Variants in TGIF1 observed in about 807,000 individuals in gnomAD.
TGIF1 encodes TGFB induced factor homeobox 1, also known as homeobox protein TGIF1.
TGIF1 carries 4 observed loss-of-function variants against 19.3 expected under a neutral mutation model. The observed-to-expected ratio is 0.21, with a 90% confidence interval of 0.10 to 0.47. TGIF1 has a LOEUF of 0.47. TGIF1 is among the 20% of genes least tolerant of loss of function. The pLI, the probability that TGIF1 is intolerant of heterozygous loss-of-function variation, is 0.98. For missense variants in TGIF1, 275 were observed against 341.4 expected, an observed-to-expected ratio of 0.81 and a Z score of 1.53; for synonymous variants, 122 against 129.3, an observed-to-expected ratio of 0.94 and a Z score of 0.38.
upstream of TGIF1, among the ~76,000 whole-genome samples, chr18:3,449,056 GA>G (rs1187499367): frequency 1.3e-5 from 2 of 152,114 alleles, no homozygotes; most frequent in Non-Finnish European, 2.9e-5. Flanking sequence ...GCGAAAACTA[GA>G]ACCAGAGGAG....
At chr18:3,452,023 C>T (rs1480502013) in intron 1 of TGIF1, 1 of 1,610,506 alleles carries the variant, frequency 6.2e-7, no homozygotes, top group East Asian at 2.2e-5. Context: ...GTGGGCTCCC[C>T]GCATTGTTCG....
At chr18:3,445,365 G>A (rs1013748833), upstream of TGIF1, among the ~76,000 whole-genome samples, 6 of 152,016 alleles carry the variant, frequency 3.9e-5, no homozygotes, top group African/African-American at 1.4e-4. Context: ...CAGTTACCAG[G>A]TCGGCCATGT....
intron 2 of TGIF1, among the ~76,000 whole-genome samples, chr18:3,438,866 G>C (rs1206354605): frequency 6.6e-6 from 1 of 152,086 alleles, no homozygotes; most frequent in Non-Finnish European, 1.5e-5. Context: ...AAATAAGCTA[G>C]TAGAACTAAA....
chr18:3,451,636 T>TA lies in TGIF1; in HGVS notation c.16+1132dup, dbSNP rs1568047709. On this transcript the variant is annotated intron_variant, in intron 1 of 2. Coordinates refer to ENST00000343820, the MANE Select transcript of TGIF1 (RefSeq NM_003244.4). The surrounding 1 kb of genome is among the most constrained non-coding windows in gnomAD (Gnocchi z 5.4). ...CCCGCTGCGGGGCGTTCCTGGGGGG[T>TA]AGCCTCAAGGCCAGCGGGGTTCCTT... is the stretch of plus-strand genomic sequence containing the variant. The TA allele has an allele frequency of 9.0e-7, 1 of 1,111,504 alleles. No homozygotes were observed. The highest frequency in any genetic ancestry group is 1.1e-6 in the Non-Finnish European group (1 of 912,076). The allele number at this position is 1,111,504 out of a possible 1,614,324, so 68.9% of individuals were successfully genotyped here. A position where few individuals can be genotyped will look rare whatever the true frequency, so the allele number is the denominator to read the frequency against.
chr18:3,448,966 C>CT (rs1259718631), upstream of TGIF1, among the ~76,000 whole-genome samples: 2 of 152,084 alleles, frequency 1.3e-5, no homozygotes, highest in South Asian at 2.1e-4. Flanking sequence ...CTTTTCTTTC[C>CT]TTTTTTTAAA....
upstream of TGIF1, among the ~76,000 whole-genome samples, chr18:3,449,074 T>C (rs962357815): frequency 1.3e-5 from 2 of 152,120 alleles, no homozygotes; most frequent in Non-Finnish European, 2.9e-5. Context: ...GGAGGGGGCA[T>C]GCGTTTCTTC....
intron 2 of TGIF1, among the ~76,000 whole-genome samples, chr18:3,423,542 T>G (rs564575741): frequency 3.2e-4 from 48 of 151,986 alleles, no homozygotes; most frequent in Middle Eastern, 3.4e-3. Flanking sequence ...TTAGCCGGGC[T>G]TGGTGTCGGG....
At chr18:3,427,047 G>A (rs534951528) in intron 2 of TGIF1, among the ~76,000 whole-genome samples, 2 of 150,744 alleles carry the variant, frequency 1.3e-5, no homozygotes, top group African/African-American at 2.4e-5. Flanking sequence ...GGGTTCAAGC[G>A]ATTCTCCTGC....
intron 1 of TGIF1, 39 bp downstream of exon 1, chr18:3,450,544 G>A (rs774704865): frequency 1.3e-6 from 2 of 1,555,268 alleles, no homozygotes; most frequent in Non-Finnish European, 1.7e-6. Context: ...GAAGACGCGA[G>A]TCCGGGGAAA....
In TGIF1 at chr18:3,458,184, A is replaced by G; in HGVS notation, c.*244A>G. The G allele has an allele frequency of 2.1e-6, 1 of 484,056 alleles. No homozygotes were observed. Among genetic ancestry groups the G allele is most frequent in the Non-Finnish European group, 3.6e-6 (1 of 275,820 alleles). 30.0% of individuals were successfully genotyped at this position (484,056 alleles called of 1,614,324 possible). A position where few individuals can be genotyped will look rare whatever the true frequency, so the allele number is the denominator to read the frequency against. ...CTTGGTAGATTATTCATAATGTGAGATGGTTCCCAATATCATGTGATTTTT... is the reference window on the plus strand; with the variant it reads ...CTTGGTAGATTATTCATAATGTGAGGTGGTTCCCAATATCATGTGATTTTT... On this transcript the variant is annotated 3_prime_UTR_variant, in exon 3 of 3. Coordinates refer to ENST00000343820, the MANE Select transcript of TGIF1 (RefSeq NM_003244.4).
At chr18:3,449,699 C>A, upstream of TGIF1, 1 of 985,468 alleles carries the variant, frequency 1.0e-6, no homozygotes, top group South Asian at 4.7e-5. Flanking sequence ...TGCCCCGCCC[C>A]TTGAATCAGA....
intron 2 of TGIF1, among the ~76,000 whole-genome samples, chr18:3,440,178 C>T (rs1031115605): frequency 6.6e-5 from 10 of 152,042 alleles, no homozygotes; most frequent in African/African-American, 1.2e-4. Flanking sequence ...TGGCAAAACC[C>T]GGTCTCTACT....
rs539433791 is a variant in TGIF1, at chr18:3,450,379, A to G, written c.-111A>G. ...AGCAATAACGGCTGGAGCACGTCCT[A>G]CAAGTTACGGGAGAGTCGGCTGTGA... On this transcript the variant is annotated 5_prime_UTR_variant, in exon 1 of 3. Transcript: ENST00000343820. 14 of 1,538,962 alleles carry G rather than the reference A, an allele frequency of 9.1e-6. No homozygotes were observed. The highest frequency in any genetic ancestry group is 2.5e-5 in the East Asian group (1 of 40,794).
intron 2 of TGIF1, among the ~76,000 whole-genome samples, chr18:3,435,191 C>T (rs1044851265): frequency 6.6e-6 from 1 of 151,652 alleles, no homozygotes; most frequent in African/African-American, 2.4e-5. Context: ...TTTTAAAACC[C>T]TATATATATT....
chr18:3,458,488 G>A lies in TGIF1; in HGVS notation c.*548G>A, dbSNP rs973198007. ...TAGGAATATAGCACCCCAGTGAGCAGGAAGCTGGGGGGGTAGGGTGCAGTG... is the reference window on the plus strand; with the variant it reads ...TAGGAATATAGCACCCCAGTGAGCAAGAAGCTGGGGGGGTAGGGTGCAGTG... On this transcript the variant is annotated 3_prime_UTR_variant, in exon 3 of 3. Coordinates refer to ENST00000343820, the MANE Select transcript of TGIF1 (RefSeq NM_003244.4). 6.1e-6 allele frequency: 1 copy of A among 162,730 alleles called. No individual in the cohort carries two copies. Among genetic ancestry groups the A allele is most frequent in the Non-Finnish European group, 1.3e-5 (1 of 74,764 alleles). 10.1% of individuals were successfully genotyped at this position (162,730 alleles called of 1,614,324 possible).
chr18:3,440,822 G>C (rs1166913571), intron 2 of TGIF1, among the ~76,000 whole-genome samples: 3 of 152,070 alleles, frequency 2.0e-5, no homozygotes, highest in African/African-American at 4.8e-5. Flanking sequence ...AGATTGGGCT[G>C]GTGTCTTCCT....
rs4747 is a variant in TGIF1 at position 3,457,799 on chromosome 18, G to T, written c.678G>T (p.Thr226=). 1.2e-6 allele frequency: 2 copies of T among 1,613,824 alleles called. No homozygotes were observed. The highest frequency in any genetic ancestry group is 2.2e-5 in the South Asian group (2 of 91,074). ...PEDTCKSGPS[T]NTQSGLFNTP... is the part of the protein sequence containing the mutation. ...ACACTTGTAAATCTGGACCAAGTAC[G>T]AATACACAGAGTGGTCTTTTCAACA... The change falls in exon 3 of 3, where the codon ACG becomes ACT. Residue 226 remains threonine (T), a synonymous_variant. Coordinates refer to ENST00000343820, the MANE Select transcript of TGIF1 (RefSeq NM_003244.4). This position sits in a 1 kb window ranked among gnomAD's most constrained non-coding sequence, Gnocchi z 4.9.
chr18:3,412,499 T>G (rs1041545731), intron 1 of TGIF1, among the ~76,000 whole-genome samples: 4 of 151,996 alleles, frequency 2.6e-5, no homozygotes, highest in African/African-American at 9.7e-5. Flanking sequence ...ACCTGGGAGG[T>G]GAAGAGGAGC....
At position 3,412,430 on chromosome 18, in the gene TGIF1, G is replaced by C. The variant is rs144619444; in HGVS notation, c.-118+176G>C. On this transcript the variant is annotated intron_variant, in intron 1 of 3. Coordinates refer to the TGIF1 transcript ENST00000401449. ...CACATGTTTACACTGAAACAAGCCT[G>C]TATCAATGAGAAGAAATGGAAATAT... Among the ~76,000 whole-genome samples the C allele has an allele frequency of 7.2e-3, 1,092 of 152,310 alleles. 6 individuals are homozygous for C. Among genetic ancestry groups the C allele is most frequent in the African/African-American group, 0.024 (1,012 of 41,550 alleles).
Sources: gnomAD v4.1 joint callset for allele counts (sites outside exome capture counted in the v4.1 genomes callset) on GRCh38, gnomAD v4.1.1 for gene constraint, Gnocchi (gnomAD v3.1) non-coding constraint, MANE v1.5 for transcripts, NCBI Gene and HGNC (gene_info 2026-07-23, HGNC 2026-07-21) for gene names.